Variants in SEC24D observed in about 807,000 individuals in gnomAD.
SEC24D encodes the protein SEC24 homolog D, COPII component, also known as protein transport protein Sec24D.
A neutral mutation model predicts 116.9 loss-of-function variants in SEC24D; 69 were observed. The observed-to-expected ratio is 0.59, with a 90% CI of 0.49 to 0.72. The LOEUF (loss-of-function observed/expected upper bound fraction) is 0.72. Ranked by LOEUF, SEC24D falls within the 30% of genes least tolerant of loss-of-function variation. The pLI is 0.00. For synonymous variants in SEC24D, 405 were observed against 442.8 expected (o/e 0.91, Z 1.07); for missense variants, 1,131 against 1,264.1 (o/e 0.89, Z 1.60).
Position 118,752,101 on chromosome 4 carries a change from G to A in SEC24D, c.1614-12C>T. The A allele has an allele frequency of 6.5e-7, 1 of 1,530,614 alleles. No individual in the cohort carries two copies. Among genetic ancestry groups the A allele is most frequent in the East Asian group, 2.3e-5 (1 of 44,398 alleles). 94.8% of individuals were successfully genotyped at this position (1,530,614 alleles called of 1,614,324 possible). ...TCTGGTCCAACAAACTATAAGACATGAGTAAGCAAAAGGTTTGAAATGTTT... is the reference window on the plus strand; with the variant it reads ...TCTGGTCCAACAAACTATAAGACATAAGTAAGCAAAAGGTTTGAAATGTTT... On this transcript the variant is annotated splice_polypyrimidine_tract_variant and intron_variant, in intron 12 of 22. Coordinates refer to ENST00000280551, the MANE Select transcript of SEC24D (RefSeq NM_014822.4).
chr4:118,803,610 C>A (rs544973870), intron 7 of SEC24D, among the ~76,000 whole-genome samples: 1 of 152,222 alleles, frequency 6.6e-6, no homozygotes, highest in Admixed American at 6.5e-5. Flanking sequence ...TTTTTCCTTG[C>A]CAGATTGTTC....
rs770246653 is a variant in SEC24D at position 118,723,601 on chromosome 4, C to T, written c.3013G>A (p.Val1005Ile). Residue 1005 changes from valine (V) to isoleucine (I), a missense_variant, in exon 23 of 23, where the codon GTA becomes ATA. Val to Ile is a conservative substitution (Grantham distance 29). Transcript: ENST00000280551. ...CCTCCGTAAAGTCCTTTGTCTTCTA[C>T]CAGGAACTGTCGGAAAACCATTTCT... ...QPEMVFRQFLVEDKGLYGGSS... is the reference protein window; with the variant it reads ...QPEMVFRQFLIEDKGLYGGSS... The T allele has an allele frequency of 1.6e-5, 26 of 1,613,682 alleles. No individual in the cohort carries two copies. The highest frequency in any genetic ancestry group is 2.2e-5 in the East Asian group (1 of 44,860).
chr4:118,786,629 TA>T (rs1230465805), intron 8 of SEC24D, among the ~76,000 whole-genome samples: 1 of 152,218 alleles, frequency 6.6e-6, no homozygotes, highest in Admixed American at 6.5e-5. Context: ...GCCTTTTCAA[TA>T]AGGCATATTC....
At chr4:118,782,479 G>A (rs1028405320) in intron 8 of SEC24D, among the ~76,000 whole-genome samples, 5 of 152,134 alleles carry the variant, frequency 3.3e-5, no homozygotes, top group Non-Finnish European at 7.3e-5. Flanking sequence ...TGGAAGCTTC[G>A]TCCCAGGGGG....
intron 6 of SEC24D, among the ~76,000 whole-genome samples, chr4:118,814,376 T>C (rs1295482056): frequency 6.6e-6 from 1 of 152,210 alleles, no homozygotes; most frequent in Non-Finnish European, 1.5e-5. Flanking sequence ...TTTGGAATGA[T>C]AAGGACGGAT....
chr4:118,824,661 A>C lies in SEC24D; in HGVS notation c.207T>G (p.Phe69Leu). Reference sequence around the variant, plus strand: ...CAGTGGCATGAGCTCCATTCTGACCAAACTGATGGGGTCCAGGAGGTGGGG... The same window carrying C: ...CAGTGGCATGAGCTCCATTCTGACCCAACTGATGGGGTCCAGGAGGTGGGG... ...PGPPPPGPHQ[F>L]GQNGAHATGH... The change falls in exon 3 of 23, where the codon TTT becomes TTG. Residue 69 changes from phenylalanine to leucine, a missense_variant. Phe to Leu is a conservative substitution (Grantham distance 22, BLOSUM62 0). Transcript: ENST00000280551. 1.2e-6 allele frequency: 2 copies of C among 1,607,584 alleles called. No individual in the cohort carries two copies. The highest frequency in any genetic ancestry group is 1.7e-6 in the Non-Finnish European group (2 of 1,177,750).
intron 2 of SEC24D, among the ~76,000 whole-genome samples, chr4:118,831,295 T>C (rs112953035): frequency 0.048 from 7,339 of 152,176 alleles, 214 homozygotes; most frequent in Non-Finnish European, 0.064. Context: ...TCCCAAAGTG[T>C]TAGGATTACA....
chr4:118,773,266 G>A (rs183913197), intron 8 of SEC24D, among the ~76,000 whole-genome samples: 63 of 151,566 alleles, frequency 4.2e-4, no homozygotes, highest in Non-Finnish European at 7.7e-4. Flanking sequence ...GAAATACCTT[G>A]GCTAAGCAGT....
At position 118,723,192 on chromosome 4, in the gene SEC24D, ATAATT is replaced by A. The variant is rs1271931457; in HGVS notation, c.*318_*322del. The A allele has an allele frequency of 6.2e-5, 11 of 178,146 alleles. No homozygotes were observed. Among genetic ancestry groups the A allele is most frequent in the African/African-American group, 2.1e-4 (9 of 42,594 alleles). 11.0% of individuals were successfully genotyped at this position (178,146 alleles called of 1,614,324 possible). ...ACCCCAAATCTATACAGTTTGAAAA[ATAATT>A]TATATGTCTAGCATAAAGAAAATTG... On this transcript the variant is annotated 3_prime_UTR_variant, in exon 23 of 23. Coordinates refer to ENST00000280551, the MANE Select transcript of SEC24D (RefSeq NM_014822.4).
intron 9 of SEC24D, 92 bp downstream of exon 9, chr4:118,768,080 GA>G: frequency 1.8e-6 from 2 of 1,111,380 alleles, no homozygotes; most frequent in Non-Finnish European, 2.6e-6. Flanking sequence ...CTATATAGCA[GA>G]AAAAAGAATG....
In SEC24D at chr4:118,740,383, ACCGTTGGAAGTCAGTTTGCTGATG is replaced by A. The variant is rs368545836; in HGVS notation, c.2238+256_2238+279del. 3.3e-3 allele frequency among the ~76,000 whole-genome samples: 505 copies of A among 152,288 alleles called. 2 individuals carry two copies. Among genetic ancestry groups the A allele is most frequent in the African/African-American group, 0.011 (462 of 41,568 alleles). On this transcript the variant is annotated intron_variant, in intron 17 of 22. Coordinates refer to ENST00000280551, the MANE Select transcript of SEC24D (RefSeq NM_014822.4). ...GTGCTGAAGCCTAACAGAAGTGAAT[ACCGTTGGAAGTCAGTTTGCTGATG>A]CCTGTGATACTTACCACAAATTTGC... is the stretch of plus-strand genomic sequence containing the variant.
In SEC24D at chr4:118,817,333, C is replaced by T; in HGVS notation, c.328G>A (p.Gly110Ser). Residue 110 changes from glycine (G) to serine (S), a missense_variant, in exon 4 of 23, where the codon GGT becomes AGT. Physicochemically the swap from Gly to Ser is moderately conservative, Grantham distance 56. Coordinates refer to ENST00000280551, the MANE Select transcript of SEC24D (RefSeq NM_014822.4). The stretch of plus-strand genomic sequence containing the variant: ...GTGACAGATGAAGTGGATATAGGAC[C>T]TGGATAAGAAGATTGTGCAGAGGGT... ...YQPSAQSSYP[G>S]PISTSSVTQL... 1 of 1,613,760 alleles carries T rather than the reference C, an allele frequency of 6.2e-7. No homozygotes were observed. Among genetic ancestry groups the T allele is most frequent in the Non-Finnish European group, 8.5e-7 (1 of 1,179,824 alleles).
intron 2 of SEC24D, 50 bp from the exon 3 acceptor site, chr4:118,824,799 AT>A: frequency 3.3e-6 from 5 of 1,493,858 alleles, no homozygotes; most frequent in Non-Finnish European, 3.6e-6. Flanking sequence ...ACAAAGAGAG[AT>A]GAGGCAAAGT....
chr4:118,728,526 T>C, intron 22 of SEC24D, 35 bp downstream of exon 22: 2 of 1,362,872 alleles, frequency 1.5e-6, no homozygotes, highest in East Asian at 2.3e-5. Context: ...ATTTTTAACA[T>C]TTGAATAAAG....
intron 15 of SEC24D, among the ~76,000 whole-genome samples, chr4:118,743,178 T>C (rs8180285): frequency 2.0e-5 from 3 of 152,152 alleles, no homozygotes. Flanking sequence ...AAAACAAATA[T>C]GCAGTCACTT....
intron 8 of SEC24D, among the ~76,000 whole-genome samples, chr4:118,791,807 G>C (rs1728921952): frequency 6.6e-6 from 1 of 152,138 alleles, no homozygotes. Flanking sequence ...ATTGCAGACG[G>C]AGTCTCGCTC....
chr4:118,729,223 T>A (rs1725560548), intron 21 of SEC24D: 1 of 152,290 alleles, frequency 6.6e-6, no homozygotes, highest in Admixed American at 6.6e-5. Flanking sequence ...AGTGCTGGGA[T>A]TATAGGTGTG....
chr4:118,743,852 A>G, intron 15 of SEC24D, 136 bp downstream of exon 15: 1 of 764,470 alleles, frequency 1.3e-6, no homozygotes, highest in Non-Finnish European at 2.0e-6. Flanking sequence ...CCAACGGTAT[A>G]CTTTGTTTTC....
At position 118,728,617 on chromosome 4, in the gene SEC24D, G is replaced by A. The variant is rs1465971203; in HGVS notation, c.2902C>T (p.Gln968Ter). ...ATACCCATTATCATTCTGAGTTGTT[G>A]AGAGTATGGGTTTCCCACTTCAGGC... ...LLPEVGNPYS[Q>*]QLRMIMGIIQ... The change falls in exon 22 of 23, where the codon CAA (glutamine) becomes TAA (stop). Residue 968 changes from glutamine to a stop codon, truncating the protein, a stop_gained. Transcript: ENST00000280551. LOFTEE classifies it high-confidence loss of function. The A allele has an allele frequency of 6.2e-7, 1 of 1,610,936 alleles. No homozygotes were observed. Among genetic ancestry groups the A allele is most frequent in the African/African-American group, 1.3e-5 (1 of 74,946 alleles).
Sources: allele counts gnomAD v4.1 joint callset (sites outside exome capture counted in the v4.1 genomes callset), GRCh38; gene constraint gnomAD v4.1.1; transcripts MANE v1.5; gene names NCBI Gene and HGNC (gene_info 2026-07-23, HGNC 2026-07-21).